HLCS: variants seen among roughly 807,000 people sequenced by gnomAD.
HLCS encodes biotin--protein ligase.
In HLCS, 53 loss-of-function variants were observed where a neutral mutation model predicts 75.0. The ratio of observed to expected loss-of-function variants is 0.71; its 90% CI spans 0.57 to 0.89. HLCS has a LOEUF of 0.89. Ranked by LOEUF, HLCS falls within the 40% of genes least tolerant of loss-of-function variation. The pLI, the probability that HLCS is intolerant of heterozygous loss-of-function variation, is 0.00. For synonymous variants in HLCS, 431 were observed against 428.6 expected, an observed-to-expected ratio of 1.01 and a Z score of -0.07; for missense variants, 966 against 1,074.0, an observed-to-expected ratio of 0.90 and a Z score of 1.41.
At chr21:36,771,226 A>ATAAATAAATAAG (rs1174187239) in intron 6 of HLCS, among the ~76,000 whole-genome samples, 28 of 151,552 alleles carry the variant, frequency 1.8e-4, no homozygotes, top group Middle Eastern at 3.4e-3. Flanking sequence ...TCTCAAATAA[A>ATAAATAAATAAG]TAAATAAATA....
At chr21:36,884,723 A>G (rs2064373048) in intron 6 of HLCS, among the ~76,000 whole-genome samples, 1 of 152,212 alleles carries the variant, frequency 6.6e-6, no homozygotes, top group Admixed American at 6.5e-5. Context: ...TTGCTTGTTT[A>G]AATAAAACAG....
Position 36,962,085 on chromosome 21 carries a change from C to T in HLCS, c.281G>A (p.Ser94Asn). The change falls in exon 2 of 11, where the codon AGC (serine) becomes AAC (asparagine). Residue 94 changes from serine (S) to asparagine (N), a missense_variant. Coordinates refer to ENST00000674895, the MANE Select transcript of HLCS (RefSeq NM_001352514.2). ...EAEHIAFVTE[S>N]IWVQSENLQR... ...TAAATTCTCACTTTGTACCCAAATG[C>T]TCTCCGTCACAAATGCTATGTGTTC... The T allele has an allele frequency of 7.8e-7, 1 of 1,289,328 alleles. No homozygotes were observed. The highest frequency in any genetic ancestry group is 1.2e-5 in the South Asian group (1 of 81,002). 79.9% of individuals were successfully genotyped at this position (1,289,328 alleles called of 1,614,324 possible). A position where few individuals can be genotyped will look rare whatever the true frequency, so the allele number is the denominator to read the frequency against.
intron 5 of HLCS, among the ~76,000 whole-genome samples, chr21:36,898,616 C>A (rs979431926): frequency 6.6e-6 from 1 of 151,860 alleles, no homozygotes; most frequent in Non-Finnish European, 1.5e-5. Flanking sequence ...TTAGAAGGGG[C>A]TTAAAAGACA....
At chr21:36,815,019 A>G (rs1209553751) in intron 6 of HLCS, among the ~76,000 whole-genome samples, 2 of 148,894 alleles carry the variant, frequency 1.3e-5, no homozygotes, top group African/African-American at 4.9e-5. Context: ...GGGATCAATG[A>G]AGCTTTGCTT....
intron 2 of HLCS, among the ~76,000 whole-genome samples, chr21:36,948,728 C>CCAA (rs1418365630): frequency 1.8e-5 from 1 of 55,868 alleles, no homozygotes; most frequent in East Asian, 4.5e-4. Context: ...GACCCTGTCT[C>CCAA]AAAAAAAAAA....
chr21:36,858,007 C>T (rs2063257135), intron 6 of HLCS, among the ~76,000 whole-genome samples: 1 of 152,058 alleles, frequency 6.6e-6, no homozygotes, highest in Non-Finnish European at 1.5e-5. Context: ...CCAGGCTGGT[C>T]TTGAACTCCT....
chr21:36,911,005 T>C (rs141949116), intron 5 of HLCS, among the ~76,000 whole-genome samples: 1 of 152,312 alleles, frequency 6.6e-6, no homozygotes, highest in Non-Finnish European at 1.5e-5. Flanking sequence ...AGGCTGACCG[T>C]CACTTAGGGA....
At chr21:36,959,597 T>C (rs1207427612) in intron 2 of HLCS, among the ~76,000 whole-genome samples, 1 of 151,858 alleles carries the variant, frequency 6.6e-6, no homozygotes, top group African/African-American at 2.4e-5. Context: ...GAACTTAGAG[T>C]GCTTTTTCTG....
Position 36,966,555 on chromosome 21 carries a change from C to T in HLCS, c.84G>A (p.Arg28=), listed in dbSNP as rs897302940. The change falls in exon 1 of 11, where the codon CGG becomes CGA. Residue 28 remains arginine, a synonymous_variant. Transcript: ENST00000674895. ...TGAAGGAACAGCGCGAGGCACGCAGCCGCCGCACCGTGGCGCGCACGAGCT... is the reference window on the plus strand; with the variant it reads ...TGAAGGAACAGCGCGAGGCACGCAGTCGCCGCACCGTGGCGCGCACGAGCT... The part of the protein sequence containing the change: ...PAELVRATVR[R]LRASRCSFTF... 5 of 1,001,484 alleles carry T rather than the reference C, an allele frequency of 5.0e-6. No individual in the cohort carries two copies. The African/African-American group carries it at 8.7e-5, about 18-fold the overall frequency. 62.0% of individuals were successfully genotyped at this position (1,001,484 alleles called of 1,614,324 possible).
At chr21:36,832,298 T>C (rs980633779) in intron 6 of HLCS, among the ~76,000 whole-genome samples, 2 of 152,128 alleles carry the variant, frequency 1.3e-5, no homozygotes, top group African/African-American at 4.8e-5. Context: ...AGACAAAGAT[T>C]TCCCTGACTA....
chr21:36,783,571 G>C (rs1470875656), intron 6 of HLCS, among the ~76,000 whole-genome samples: 2 of 152,050 alleles, frequency 1.3e-5, no homozygotes, highest in Non-Finnish European at 2.9e-5. Flanking sequence ...TCGAGGAAAA[G>C]GAAAAAGGGG....
chr21:36,763,149 C>A (rs1276161123), intron 8 of HLCS, among the ~76,000 whole-genome samples: 1 of 152,102 alleles, frequency 6.6e-6, no homozygotes, highest in Non-Finnish European at 1.5e-5. Context: ...CTCAGCCTCC[C>A]GAGTAGCTGA....
intron 5 of HLCS, among the ~76,000 whole-genome samples, chr21:36,924,786 G>GA (rs1348127540): frequency 1.3e-4 from 20 of 152,080 alleles, no homozygotes; most frequent in African/African-American, 4.8e-4. Flanking sequence ...CTGCAGCAAG[G>GA]GCTTGTACTT....
intron 2 of HLCS, among the ~76,000 whole-genome samples, chr21:36,945,518 C>G (rs1389427355): frequency 6.6e-6 from 1 of 152,078 alleles, no homozygotes; most frequent in Non-Finnish European, 1.5e-5. Flanking sequence ...ACAACGTGGA[C>G]GAATCTCGAA....
intron 6 of HLCS, among the ~76,000 whole-genome samples, chr21:36,843,638 G>T (rs371485051): frequency 2.6e-5 from 4 of 152,036 alleles, no homozygotes; most frequent in Non-Finnish European, 4.4e-5. Flanking sequence ...ACTAGTGTGC[G>T]CAAAGTTATT....
upstream of HLCS, chr21:36,969,765 G>A (rs933975195): frequency 6.6e-6 from 1 of 152,094 alleles, no homozygotes. Flanking sequence ...TAGAGATGGG[G>A]TTTCACCATG....
chr21:36,843,832 C>G (rs370566089), intron 6 of HLCS, among the ~76,000 whole-genome samples: 104 of 152,086 alleles, frequency 6.8e-4, no homozygotes, highest in African/African-American at 2.1e-3. Flanking sequence ...AAAGAGAGAC[C>G]CCGTCACTAT....
chr21:36,773,981 T>C (rs1402897962), intron 6 of HLCS, among the ~76,000 whole-genome samples: 1 of 152,250 alleles, frequency 6.6e-6, no homozygotes, highest in African/African-American at 2.4e-5. Flanking sequence ...AGTCACACTT[T>C]AACAATACGA....
At chr21:36,856,654 C>T (rs908121817) in intron 6 of HLCS, among the ~76,000 whole-genome samples, 2 of 151,854 alleles carry the variant, frequency 1.3e-5, no homozygotes, top group Admixed American at 6.6e-5. Context: ...GTAACACAGT[C>T]CCCCCAGCAA....
Sources: gnomAD v4.1 joint callset for allele counts (sites outside exome capture counted in the v4.1 genomes callset) on GRCh38, gnomAD v4.1.1 for gene constraint, MANE v1.5 for transcripts, NCBI Gene and HGNC (gene_info 2026-07-23, HGNC 2026-07-21) for gene names.